Variants in LMTK2 observed in about 807,000 individuals in gnomAD.
The protein encoded by LMTK2 is serine/threonine-protein kinase LMTK2.
Under a neutral mutation model 127.5 loss-of-function variants are expected in LMTK2, and 37 were observed. The ratio of observed to expected loss-of-function variants is 0.29; its 90% CI spans 0.22 to 0.38. The LOEUF is 0.38. LMTK2 is among the 10% of genes least tolerant of loss of function. The probability of loss-of-function intolerance (pLI) is 1.00; values close to 1 mark genes in which losing one functional copy is unlikely to be tolerated. For synonymous variants in LMTK2, 819 were observed against 810.1 expected (o/e 1.01, Z -0.19); for missense variants, 1,694 against 1,920.3 (o/e 0.88, Z 2.20).
chr7:98,113,064 G>A (rs1364225969), intron 1 of LMTK2, among the ~76,000 whole-genome samples: 1 of 152,020 alleles, frequency 6.6e-6, no homozygotes, highest in African/African-American at 2.4e-5. Flanking sequence ...TTATTTTTTT[G>A]TAGAGATGGT....
chr7:98,139,290 T>C (rs1174597921), intron 2 of LMTK2, among the ~76,000 whole-genome samples: 1 of 152,142 alleles, frequency 6.6e-6, no homozygotes, highest in African/African-American at 2.4e-5. Flanking sequence ...AAGTTTTGTA[T>C]TTTTTGTAGA....
chr7:98,118,824 G>C (rs1050133180), intron 1 of LMTK2, among the ~76,000 whole-genome samples: 13 of 152,282 alleles, frequency 8.5e-5, no homozygotes, highest in African/African-American at 2.9e-4. Flanking sequence ...CGGGCGCAGT[G>C]GCTCATGCCT....
At position 98,141,510 on chromosome 7, in the gene LMTK2, C is replaced by A. The variant is rs751347339; in HGVS notation, c.345C>A (p.Leu115=). The change falls in exon 3 of 14, where the codon CTC becomes CTA. Residue 115 remains leucine (L), a synonymous_variant. Transcript: ENST00000297293. The part of the protein sequence containing the change: ...VFTLSVPNIS[L]PAPSQFQPSV... ...CACTTTCAGTACCAAATATTTCACT[C>A]CCAGCTCCCTCGCAATTCCAGCCTT... is the stretch of plus-strand genomic sequence containing the variant. 2.5e-6 allele frequency: 4 copies of A among 1,613,986 alleles called. No homozygotes were observed. The South Asian group carries it at 4.4e-5, about 18-fold the overall frequency.
chr7:98,154,702 C>A, intron 4 of LMTK2, 56 bp from the exon 5 acceptor site: 2 of 1,101,588 alleles, frequency 1.8e-6, no homozygotes, highest in Non-Finnish European at 2.8e-6. Flanking sequence ...GTAAATGCAG[C>A]AGACTCCTTT....
At chr7:98,175,954 A>G (rs1797270386) in intron 7 of LMTK2, among the ~76,000 whole-genome samples, 1 of 152,256 alleles carries the variant, frequency 6.6e-6, no homozygotes, top group South Asian at 2.1e-4. Context: ...AGAAGACGGA[A>G]ATTTCTATAA....
chr7:98,129,039 C>CT (rs1438172496), intron 1 of LMTK2, among the ~76,000 whole-genome samples: 2 of 152,052 alleles, frequency 1.3e-5, no homozygotes, highest in Non-Finnish European at 2.9e-5. Flanking sequence ...GGATGCTTCT[C>CT]TTATAATCTT....
At chr7:98,201,632 G>A (rs1797706067) in intron 11 of LMTK2, among the ~76,000 whole-genome samples, 1 of 107,810 alleles carries the variant, frequency 9.3e-6, no homozygotes, top group Admixed American at 8.7e-5. Context: ...TTTTGTTTGA[G>A]ACAGAGTCTT....
rs904148544 is a variant in LMTK2 at position 98,208,119 on chromosome 7, A to C, written c.*2627A>C. The C allele has an allele frequency of 1.3e-5, 2 of 150,936 alleles. No individual in the cohort carries two copies. The highest frequency in any genetic ancestry group is 2.9e-5 in the Non-Finnish European group (2 of 68,000). 9.3% of individuals were successfully genotyped at this position (150,936 alleles called of 1,614,324 possible). On this transcript the variant is annotated 3_prime_UTR_variant, in exon 14 of 14. Transcript: ENST00000297293. ...GCCAGACCCTGTCTCAAAAAAAAAA[A>C]CAATTTTTTTCATAACATAATTCCC... is the stretch of plus-strand genomic sequence containing the variant.
intron 7 of LMTK2, among the ~76,000 whole-genome samples, chr7:98,182,375 T>C (rs1001090659): frequency 6.6e-6 from 1 of 152,346 alleles, no homozygotes; most frequent in Non-Finnish European, 1.5e-5. Context: ...ATATGGAGAA[T>C]TCGTGCAACT....
chr7:98,127,642 A>ATTGG (rs1380111788), intron 1 of LMTK2, among the ~76,000 whole-genome samples: 8 of 152,154 alleles, frequency 5.3e-5, no homozygotes, highest in Admixed American at 4.6e-4. Context: ...TGCCAGTGGG[A>ATTGG]TTGGCTTTCT....
At chr7:98,111,139 T>G (rs1796196592) in intron 1 of LMTK2, among the ~76,000 whole-genome samples, 1 of 152,240 alleles carries the variant, frequency 6.6e-6, no homozygotes, top group Non-Finnish European at 1.5e-5. Flanking sequence ...TAATAGGAAG[T>G]CCGTCTGCAG....
At chr7:98,145,877 G>A (rs1004703120) in intron 3 of LMTK2, among the ~76,000 whole-genome samples, 1 of 152,132 alleles carries the variant, frequency 6.6e-6, no homozygotes, top group African/African-American at 2.4e-5. Context: ...TCATATTTAA[G>A]AAACTATTGC....
At chr7:98,144,789 A>G (rs921226817) in intron 3 of LMTK2, among the ~76,000 whole-genome samples, 3 of 141,288 alleles carry the variant, frequency 2.1e-5, no homozygotes, top group African/African-American at 8.0e-5. Flanking sequence ...TAAATTCATT[A>G]TTCTGCATCT....
rs1797600050 is a variant in LMTK2, at chr7:98,194,708, G to T, written c.4107+136G>T. ...TGTGATTACTCACAAAAAGTAATTT[G>T]GGGTTGGTTAGAGTTCTAAGAATAT... On this transcript the variant is annotated intron_variant, in intron 11 of 13. Transcript: ENST00000297293. The surrounding 1 kb of genome is among the most constrained non-coding windows in gnomAD (Gnocchi z 5.4). 2 of 783,552 alleles carry T rather than the reference G, an allele frequency of 2.6e-6. No individual in the cohort carries two copies. The highest frequency in any genetic ancestry group is 4.0e-6 in the Non-Finnish European group (2 of 504,516). The allele number at this position is 783,552 out of a possible 1,614,324, so 48.5% of individuals were successfully genotyped here. A position where few individuals can be genotyped will look rare whatever the true frequency, so the allele number is the denominator to read the frequency against.
In LMTK2 at chr7:98,192,885, T is replaced by G; in HGVS notation, c.2420T>G (p.Leu807Trp). ...ACAGGTGACACTTTGAGCACCTCAT[T>G]GCAGTCTTCCCCGGAAGTGCAGGTA... ...MLTGDTLSTS[L>W]QSSPEVQVPP... Residue 807 changes from leucine to tryptophan, a missense_variant, in exon 11 of 14, where the codon TTG becomes TGG. By Grantham distance (61) the Leu-to-Trp change is moderately conservative. Transcript: ENST00000297293. 1 of 1,614,124 alleles carries G rather than the reference T, an allele frequency of 6.2e-7. No individual in the cohort carries two copies. The highest frequency in any genetic ancestry group is 8.5e-7 in the Non-Finnish European group (1 of 1,179,994).
At chr7:98,188,059 T>G (rs948523103) in intron 9 of LMTK2, among the ~76,000 whole-genome samples, 1 of 152,300 alleles carries the variant, frequency 6.6e-6, no homozygotes, top group Non-Finnish European at 1.5e-5. Context: ...TGTTGTTAAT[T>G]ATAGTCACCC....
chr7:98,194,078 C>T lies in LMTK2; in HGVS notation c.3613C>T (p.Leu1205=), dbSNP rs1797585411. 5.0e-6 allele frequency: 8 copies of T among 1,614,122 alleles called. No homozygotes were observed. The highest frequency in any genetic ancestry group is 1.3e-5 in the African/African-American group (1 of 75,054). Residue 1205 remains leucine, a synonymous_variant, in exon 11 of 14, where the codon CTG becomes TTG. Coordinates refer to ENST00000297293, the MANE Select transcript of LMTK2 (RefSeq NM_014916.4). This position sits in a 1 kb window ranked among gnomAD's most constrained non-coding sequence, Gnocchi z 5.4. The stretch of plus-strand genomic sequence containing the variant: ...CGAGGCCAGCAGTCCCTGGAGTGTG[C>T]TGAATGCAGAACTTAGCAGCGGCGA... The part of the protein sequence containing the change: ...EDEASSPWSV[L]NAELSSGDDF...
At chr7:98,201,808 CTGTG>C (rs1797708691) in intron 11 of LMTK2, among the ~76,000 whole-genome samples, 1 of 152,172 alleles carries the variant, frequency 6.6e-6, no homozygotes, top group Non-Finnish European at 1.5e-5. Context: ...CAGCATCTCA[CTGTG>C]TTGCCCAGGC....
At chr7:98,139,405 G>A (rs956303459) in intron 2 of LMTK2, among the ~76,000 whole-genome samples, 3 of 152,070 alleles carry the variant, frequency 2.0e-5, no homozygotes, top group African/African-American at 7.2e-5. Context: ...GTGAGCCACC[G>A]GGCCTGGCCA....
Sources: allele counts gnomAD v4.1 joint callset (sites outside exome capture counted in the v4.1 genomes callset), GRCh38; gene constraint gnomAD v4.1.1; non-coding constraint Gnocchi (gnomAD v3.1); transcripts MANE v1.5; gene names NCBI Gene and HGNC (gene_info 2026-07-23, HGNC 2026-07-21).